Variants in GRIP2 observed in about 807,000 individuals in gnomAD.
GRIP2 encodes the protein glutamate receptor-interacting protein 2.
In GRIP2, 58 loss-of-function variants were observed where a neutral mutation model predicts 108.3. The observed-to-expected ratio is 0.54, with a 90% confidence interval of 0.43 to 0.67. The LOEUF is 0.67. GRIP2 is among the 30% of genes least tolerant of loss of function. The pLI, the probability that GRIP2 is intolerant of heterozygous loss-of-function variation, is 0.00. For missense variants in GRIP2, 1,278 were observed against 1,430.6 expected (o/e 0.89, Z 1.72); for synonymous variants, 586 against 598.2 (o/e 0.98, Z 0.30).
At chr3:14,599,710 TG>T in the GRIP2 span, among the ~76,000 whole-genome samples, 1 of 149,592 alleles carries the variant, frequency 6.7e-6, no homozygotes, top group African/African-American at 2.5e-5. Context: ...TGTGTGTGTG[TG>T]TTTGTGTGTG....
At chr3:14,514,232 C>T in intron 12 of GRIP2, 60 bp downstream of exon 12, 1 of 1,407,598 alleles carries the variant, frequency 7.1e-7, no homozygotes, top group African/African-American at 1.6e-5. Flanking sequence ...GGGCTTGGTG[C>T]TGTGACTCAG....
chr3:14,502,042 A>T (rs1693781681), intron 21 of GRIP2, among the ~76,000 whole-genome samples: 1 of 152,214 alleles, frequency 6.6e-6, no homozygotes, highest in African/African-American at 2.4e-5. Context: ...AAGTTTAATT[A>T]TATATTTTTT....
upstream of GRIP2, among the ~76,000 whole-genome samples, chr3:14,559,221 A>C (rs1467901643): frequency 6.6e-6 from 1 of 152,144 alleles, no homozygotes; most frequent in Non-Finnish European, 1.5e-5. Context: ...GGATCAAATG[A>C]ACATGAAGCT....
chr3:14,501,592 G>A (rs1231518097), intron 21 of GRIP2, among the ~76,000 whole-genome samples: 1 of 152,074 alleles, frequency 6.6e-6, no homozygotes, highest in Non-Finnish European at 1.5e-5. Flanking sequence ...AGCTAAAAAA[G>A]CAGTCTACAA....
intron 22 of GRIP2, 103 bp downstream of exon 22, chr3:14,496,314 G>A: frequency 4.1e-6 from 4 of 984,156 alleles, no homozygotes; most frequent in Non-Finnish European, 5.8e-6. Flanking sequence ...TGGTGGAGGA[G>A]ACTAAAGCCC....
In GRIP2 at chr3:14,507,375, C is replaced by T. The variant is rs564229675; in HGVS notation, c.2218+186G>A. On this transcript the variant is annotated intron_variant, in intron 18 of 23. Transcript: ENST00000621039. The surrounding 1 kb of genome is among the most constrained non-coding windows in gnomAD (Gnocchi z 4.6). ...CAGGGCTCAGACCCAGATTCTGCCCCGTGCCCACTGTGTGGCCCTGGGCTC... is the reference window on the plus strand; with the variant it reads ...CAGGGCTCAGACCCAGATTCTGCCCTGTGCCCACTGTGTGGCCCTGGGCTC... Among the ~76,000 whole-genome samples the T allele has an allele frequency of 1.3e-5, 2 of 152,352 alleles. No individual in the cohort carries two copies. Among genetic ancestry groups the T allele is most frequent in the African/African-American group, 2.4e-5 (1 of 41,584 alleles).
chr3:14,538,316 T>G (rs935433616), intron 1 of GRIP2, among the ~76,000 whole-genome samples: 1 of 151,806 alleles, frequency 6.6e-6, no homozygotes, highest in Admixed American at 6.6e-5. Context: ...CCATCAGGGG[T>G]GGGCATGTGA....
At chr3:14,526,722 C>G (rs1210910914) in intron 1 of GRIP2, among the ~76,000 whole-genome samples, 3 of 152,216 alleles carry the variant, frequency 2.0e-5, no homozygotes, top group African/African-American at 7.2e-5. Flanking sequence ...CTTTATCTCT[C>G]TAAGATACGT....
chr3:14,584,778 G>C, the GRIP2 span, among the ~76,000 whole-genome samples: 1 of 152,176 alleles, frequency 6.6e-6, no homozygotes, highest in Non-Finnish European at 1.5e-5. Flanking sequence ...GCCTGGATCT[G>C]AATCTTTTAC....
chr3:14,595,851 C>T, the GRIP2 span, among the ~76,000 whole-genome samples: 3 of 152,246 alleles, frequency 2.0e-5, no homozygotes, highest in South Asian at 2.1e-4. Flanking sequence ...GGGCCTGGCT[C>T]GCAAAGGTTG....
chr3:14,496,961 CTTTTTTTTT>C (rs56751492), intron 21 of GRIP2, among the ~76,000 whole-genome samples: 4 of 136,442 alleles, frequency 2.9e-5, no homozygotes, highest in African/African-American at 1.1e-4. Context: ...AGTCAAGACT[CTTTTTTTTT>C]TTTTTTTTGA....
chr3:14,516,351 T>A (rs78629932), intron 11 of GRIP2, among the ~76,000 whole-genome samples: 1,523 of 152,290 alleles, frequency 0.01, 31 homozygotes, highest in African/African-American at 0.035. Context: ...TGATCTTCTA[T>A]CCTTCCTGGA....
Position 14,522,086 on chromosome 3 carries a change from G to T in GRIP2, c.567-299C>A. 2.9e-6 allele frequency: 1 copy of T among 350,734 alleles called. No individual in the cohort carries two copies. Among genetic ancestry groups the T allele is most frequent in the South Asian group, 5.6e-5 (1 of 17,924 alleles). The allele number at this position is 350,734 out of a possible 1,614,324, so 21.7% of individuals were successfully genotyped here. On this transcript the variant is annotated intron_variant, in intron 6 of 23. Coordinates refer to ENST00000621039, the MANE Select transcript of GRIP2 (RefSeq NM_001080423.4). The surrounding 1 kb of genome is among the most constrained non-coding windows in gnomAD (Gnocchi z 4.3). ...CAGTGCAGAACCCTGAAATGTCTGA[G>T]CTGGGGGTGCTCTTCAAGCGTCACC...
chr3:14,593,461 G>A, the GRIP2 span, among the ~76,000 whole-genome samples: 1 of 152,170 alleles, frequency 6.6e-6, no homozygotes, highest in Non-Finnish European at 1.5e-5. Flanking sequence ...GCATCACCAA[G>A]CCTCGTTCAG....
chr3:14,594,510 C>T, the GRIP2 span, among the ~76,000 whole-genome samples: 1 of 152,170 alleles, frequency 6.6e-6, no homozygotes, highest in Non-Finnish European at 1.5e-5. Flanking sequence ...TCTGGAGAGT[C>T]CCAGACTGAG....
chr3:14,574,354 G>A, the GRIP2 span: 3 of 973,436 alleles, frequency 3.1e-6, no homozygotes, highest in Non-Finnish European at 4.8e-6. Context: ...ACAGCGATGC[G>A]CTGGTTCCGC....
chr3:14,521,745 A>G lies in GRIP2; in HGVS notation c.609T>C (p.Asp203=). The G allele has an allele frequency of 1.9e-6, 3 of 1,609,486 alleles. No individual in the cohort carries two copies. Among genetic ancestry groups the G allele is most frequent in the East Asian group, 2.2e-5 (1 of 44,628 alleles). Residue 203 remains aspartate (D), a synonymous_variant, in exon 7 of 24, where the codon GAT becomes GAC. Coordinates refer to ENST00000621039, the MANE Select transcript of GRIP2 (RefSeq NM_001080423.4). This position sits in a 1 kb window ranked among gnomAD's most constrained non-coding sequence, Gnocchi z 5.1. ...GGCTGGCCCCGTGCAGCGGGATTCC[A>G]TCGACACTGAGCAGCCTGTCGCCCA... ...LKVGDRLLSV[D]GIPLHGASHA...
At chr3:14,514,996 G>A (rs1694210320) in intron 11 of GRIP2, among the ~76,000 whole-genome samples, 1 of 152,130 alleles carries the variant, frequency 6.6e-6, no homozygotes, top group South Asian at 2.1e-4. Context: ...CATCCCCAAA[G>A]ATCTTCCTAT....
chr3:14,586,054 C>G, the GRIP2 span, among the ~76,000 whole-genome samples: 1 of 152,252 alleles, frequency 6.6e-6, no homozygotes, highest in Non-Finnish European at 1.5e-5. Context: ...GGCAACCACA[C>G]TGGCCTCCGT....
Sources: allele counts gnomAD v4.1 joint callset (sites outside exome capture counted in the v4.1 genomes callset), GRCh38; gene constraint gnomAD v4.1.1; non-coding constraint Gnocchi (gnomAD v3.1); transcripts MANE v1.5; gene names NCBI Gene and HGNC (gene_info 2026-07-23, HGNC 2026-07-21).